Variants in PHYH observed in about 807,000 individuals in gnomAD.
The protein encoded by PHYH is phytanoyl-CoA 2-hydroxylase, also known as phytanoyl-CoA dioxygenase, peroxisomal.
A neutral mutation model predicts 38.5 loss-of-function variants in PHYH; 32 were observed. That is an observed-to-expected ratio of 0.83 (90% CI 0.63 to 1.12). The LOEUF is 1.12. PHYH is among the 50% of genes most tolerant of loss of function. The probability of loss-of-function intolerance (pLI) is 0.00; values close to 1 mark genes in which losing one functional copy is unlikely to be tolerated. For synonymous variants in PHYH, 166 were observed against 157.9 expected, an observed-to-expected ratio of 1.05 and a Z score of -0.38; for missense variants, 426 against 434.8, an observed-to-expected ratio of 0.98 and a Z score of 0.18.
At chr10:13,278,444 T>C in intron 8 of PHYH, 90 bp from the exon 9 acceptor site, 1 of 890,766 alleles carries the variant, frequency 1.1e-6, no homozygotes, top group South Asian at 1.3e-5. Context: ...AAAATTGATT[T>C]CTAGCTTCTA....
At chr10:13,287,660 C>G (rs1349139174) in intron 6 of PHYH, among the ~76,000 whole-genome samples, 1 of 152,170 alleles carries the variant, frequency 6.6e-6, no homozygotes, top group East Asian at 1.9e-4. Flanking sequence ...CTGCAAGGCT[C>G]AGGTCAGACA....
chr10:13,296,372 T>A (rs1409811022), intron 2 of PHYH, among the ~76,000 whole-genome samples: 8 of 148,418 alleles, frequency 5.4e-5, no homozygotes, highest in African/African-American at 1.0e-4. Flanking sequence ...AGGTCGGGAG[T>A]TCGAGACCAG....
At chr10:13,288,163 A>C (rs997137549) in intron 6 of PHYH, among the ~76,000 whole-genome samples, 197 bp downstream of exon 6, 1 of 152,184 alleles carries the variant, frequency 6.6e-6, no homozygotes, top group African/African-American at 2.4e-5. Flanking sequence ...AACAAACAAA[A>C]AAAGTGTTGA....
intron 5 of PHYH, among the ~76,000 whole-genome samples, chr10:13,291,016 A>C (rs1835695547): frequency 6.8e-6 from 1 of 146,174 alleles, no homozygotes; most frequent in South Asian, 2.2e-4. Context: ...AGAATCAGGA[A>C]TTGTTTGAAC....
intron 7 of PHYH, among the ~76,000 whole-genome samples, chr10:13,281,898 C>T (rs958641956): frequency 6.6e-6 from 1 of 152,296 alleles, no homozygotes; most frequent in Non-Finnish European, 1.5e-5. Flanking sequence ...AGGGAAAACA[C>T]GCACCCCTAT....
At chr10:13,292,407 C>T (rs371239746) in intron 4 of PHYH, among the ~76,000 whole-genome samples, 3 of 152,118 alleles carry the variant, frequency 2.0e-5, no homozygotes, top group East Asian at 1.9e-4. Context: ...CAGGAGGTGA[C>T]GGGAAATGGG....
At chr10:13,285,437 G>A (rs1230549126) in intron 6 of PHYH, among the ~76,000 whole-genome samples, 2 of 152,032 alleles carry the variant, frequency 1.3e-5, no homozygotes, top group African/African-American at 4.8e-5. Flanking sequence ...ACCCGCCACG[G>A]CCTCCCAAAG....
chr10:13,278,494 T>A (rs1375421422), intron 8 of PHYH, 140 bp from the exon 9 acceptor site: 2 of 698,362 alleles, frequency 2.9e-6, no homozygotes, highest in Non-Finnish European at 5.2e-6. Flanking sequence ...GTAAGTTATA[T>A]TCATTAGTAA....
At chr10:13,291,219 C>T (rs1333312009) in intron 5 of PHYH, among the ~76,000 whole-genome samples, 1 of 151,686 alleles carries the variant, frequency 6.6e-6, no homozygotes, top group African/African-American at 2.4e-5. Context: ...TCCACACTAT[C>T]ACAGCTAAAA....
chr10:13,285,606 C>CTT (rs36040564), intron 6 of PHYH, among the ~76,000 whole-genome samples: 1,360 of 127,514 alleles, frequency 0.011, 26 homozygotes, highest in African/African-American at 0.032. Flanking sequence ...CTTTTCTTTT[C>CTT]TTTTTTTTTT....
At chr10:13,293,985 C>T (rs966651724) in intron 4 of PHYH, among the ~76,000 whole-genome samples, 15 of 151,920 alleles carry the variant, frequency 9.9e-5, no homozygotes, top group Admixed American at 6.6e-4. Context: ...GGGTGGATCA[C>T]GAGGTCAGAA....
chr10:13,291,999 C>T, intron 4 of PHYH, 87 bp from the exon 5 acceptor site: 2 of 867,486 alleles, frequency 2.3e-6, no homozygotes, highest in Non-Finnish European at 3.8e-6. Flanking sequence ...GCTATCCACA[C>T]AAGAACCAAG....
At chr10:13,288,279 G>T (rs1588510740) in intron 6 of PHYH, 81 bp downstream of exon 6, 1 of 1,239,160 alleles carries the variant, frequency 8.1e-7, no homozygotes, top group South Asian at 1.2e-5. Context: ...CATCTCATTT[G>T]TAAACTCTTT....
intron 2 of PHYH, among the ~76,000 whole-genome samples, chr10:13,295,948 G>T (rs893378511): frequency 2.0e-5 from 3 of 151,064 alleles, no homozygotes; most frequent in Non-Finnish European, 3.0e-5. Context: ...CAGGTGGATC[G>T]CCTGAGGTCA....
At chr10:13,299,278 CAT>C (rs1280553006) in intron 1 of PHYH, 1 of 204,888 alleles carries the variant, frequency 4.9e-6, no homozygotes, top group Non-Finnish European at 9.5e-6. Context: ...CATCAATTAA[CAT>C]GTTATCCTTT....
chr10:13,297,928 C>T (rs987815945), intron 2 of PHYH, among the ~76,000 whole-genome samples: 6 of 151,590 alleles, frequency 4.0e-5, no homozygotes, highest in Non-Finnish European at 7.4e-5. Flanking sequence ...GGGCCCGTCT[C>T]TATTAAAAAT....
intron 4 of PHYH, among the ~76,000 whole-genome samples, chr10:13,292,396 C>A (rs931733997): frequency 1.3e-5 from 2 of 152,124 alleles, no homozygotes; most frequent in East Asian, 3.9e-4. Flanking sequence ...GATCTGGGAA[C>A]CAGGAGGTGA....
At chr10:13,294,334 G>T in intron 4 of PHYH, 94 bp downstream of exon 4, 2 of 1,122,596 alleles carry the variant, frequency 1.8e-6, no homozygotes, top group Non-Finnish European at 2.7e-6. Context: ...CGGATTACAG[G>T]AGTGAGCCAC....
At chr10:13,297,193 T>C (rs368544151) in intron 2 of PHYH, among the ~76,000 whole-genome samples, 7 of 151,376 alleles carry the variant, frequency 4.6e-5, no homozygotes, top group African/African-American at 1.7e-4. Context: ...ACATATGATT[T>C]TTCAGATGGG....
Sources: gnomAD v4.1 joint callset for allele counts (sites outside exome capture counted in the v4.1 genomes callset) on GRCh38, gnomAD v4.1.1 for gene constraint, MANE v1.5 for transcripts, NCBI Gene and HGNC (gene_info 2026-07-23, HGNC 2026-07-21) for gene names.